The following PCDH9 variants were observed in gnomAD, a reference collection of about 807,000 sequenced individuals.
PCDH9 encodes the protein protocadherin-9.
PCDH9 carries 24 observed loss-of-function variants against 70.6 expected under a neutral mutation model. The ratio of observed to expected loss-of-function variants is 0.34; its 90% CI spans 0.25 to 0.48. PCDH9 has a LOEUF of 0.48. Among genes scored for constraint, PCDH9 ranks in the 20% least tolerant of loss-of-function variants. The pLI, the probability that PCDH9 is intolerant of heterozygous loss-of-function variation, is 0.99. For synonymous variants in PCDH9, 562 were observed against 558.5 expected (o/e 1.01, Z -0.09); for missense variants, 1,281 against 1,503.6 (o/e 0.85, Z 2.45).
intron 2 of PCDH9, among the ~76,000 whole-genome samples, chr13:67,137,125 TA>T (rs1245699495): frequency 5.9e-5 from 9 of 151,568 alleles, no homozygotes; most frequent in African/African-American, 1.2e-4. Context: ...AGTATAATAA[TA>T]AAAAAAAAGA....
intron 4 of PCDH9, among the ~76,000 whole-genome samples, chr13:66,611,365 G>T (rs990536707): frequency 6.6e-6 from 1 of 152,092 alleles, no homozygotes; most frequent in East Asian, 1.9e-4. Context: ...GTTTGTAAAG[G>T]TCTAAAATTC....
intron 3 of PCDH9, among the ~76,000 whole-genome samples, chr13:66,829,468 A>G (rs79731603): frequency 0.015 from 2,332 of 152,182 alleles, 73 homozygotes; most frequent in African/African-American, 0.053. Flanking sequence ...GGTTGACTAC[A>G]ATGGAACTGG....
intron 4 of PCDH9, among the ~76,000 whole-genome samples, chr13:66,521,356 T>C (rs576469450): frequency 4.6e-5 from 7 of 152,252 alleles, no homozygotes; most frequent in African/African-American, 1.4e-4. Context: ...TGGGCCATGA[T>C]GAGGTCGGTA....
At chr13:66,740,220 C>A (rs2139198486) in intron 3 of PCDH9, among the ~76,000 whole-genome samples, 1 of 140,724 alleles carries the variant, frequency 7.1e-6, no homozygotes, top group East Asian at 2.1e-4. Context: ...GGAAACTGAA[C>A]AACCTGCTCC....
rs2080122035 is a variant in PCDH9 at position 66,788,902 on chromosome 13, G to C, written c.3138+114602C>G. ...AAGACTTCCAGTCTGACTAGCACAT[G>C]TAGAATTGTCCTGGTTTTCTAAAAA... On this transcript the variant is annotated intron_variant, in intron 3 of 4. Coordinates refer to ENST00000377865, the MANE Select transcript of PCDH9 (RefSeq NM_203487.3). Among the ~76,000 whole-genome samples the C allele has an allele frequency of 2.0e-5, 3 of 151,994 alleles. No homozygotes were observed. In the South Asian group the frequency reaches 6.2e-4, roughly 32 times the overall value.
intron 4 of PCDH9, among the ~76,000 whole-genome samples, chr13:66,516,242 T>C (rs902360622): frequency 1.3e-5 from 2 of 152,008 alleles, no homozygotes; most frequent in African/African-American, 4.8e-5. Flanking sequence ...TAGATACAAC[T>C]GGCAAACTTA....
intron 3 of PCDH9, among the ~76,000 whole-genome samples, chr13:66,715,437 C>A (rs1315873585): frequency 6.6e-6 from 1 of 151,924 alleles, no homozygotes; most frequent in East Asian, 1.9e-4. Flanking sequence ...GAAGATCATG[C>A]AATAATGAGA....
In PCDH9 at chr13:66,727,363, T is replaced by C. The variant is rs2079019039; in HGVS notation, c.3139-95952A>G. Among the ~76,000 whole-genome samples the C allele has an allele frequency of 1.3e-5, 2 of 152,196 alleles. 1 individual carries two copies. Among genetic ancestry groups the C allele is most frequent in the South Asian group, 4.1e-4 (2 of 4,834 alleles). ...CTTCTAAATATAAGAGGAGAGTTCA[T>C]GTTTTTAATTTGCTATCTGCTTAAT... On this transcript the variant is annotated intron_variant, in intron 3 of 4. Transcript: ENST00000377865.
At chr13:67,129,594 C>G (rs2087059938) in intron 2 of PCDH9, among the ~76,000 whole-genome samples, 1 of 151,370 alleles carries the variant, frequency 6.6e-6, no homozygotes, top group African/African-American at 2.4e-5. Context: ...AGGGCACAAT[C>G]ATATACTCTT....
intron 3 of PCDH9, among the ~76,000 whole-genome samples, chr13:66,805,915 T>G (rs754037181): frequency 6.6e-6 from 1 of 152,090 alleles, no homozygotes; most frequent in Non-Finnish European, 1.5e-5. Flanking sequence ...CCCAAAACCC[T>G]CTGTGCTTTT....
At chr13:66,823,233 T>C (rs1487046603) in intron 3 of PCDH9, among the ~76,000 whole-genome samples, 1 of 152,012 alleles carries the variant, frequency 6.6e-6, no homozygotes, top group Non-Finnish European at 1.5e-5. Context: ...TTTATAAATA[T>C]ATGCATTTAT....
intron 2 of PCDH9, among the ~76,000 whole-genome samples, chr13:67,039,260 G>A (rs2085066000): frequency 6.6e-6 from 1 of 152,106 alleles, no homozygotes; most frequent in South Asian, 2.1e-4. Flanking sequence ...ACCTGAGCAT[G>A]CCCAGGTGAA....
chr13:66,930,730 G>T (rs746984765), intron 2 of PCDH9, among the ~76,000 whole-genome samples: 10 of 151,512 alleles, frequency 6.6e-5, no homozygotes, highest in Non-Finnish European at 1.5e-4. Flanking sequence ...CTTACATCTA[G>T]AAAAAAAACA....
intron 4 of PCDH9, among the ~76,000 whole-genome samples, chr13:66,483,894 G>C (rs1307112763): frequency 6.6e-6 from 1 of 152,130 alleles, no homozygotes; most frequent in Non-Finnish European, 1.5e-5. Context: ...TGGACATCGA[G>C]AGAAGCAGAT....
In PCDH9 at chr13:66,987,558, G is replaced by A. The variant is rs117886109; in HGVS notation, c.3037-83953C>T. Among the ~76,000 whole-genome samples, 1,042 of 152,110 alleles carry A rather than the reference G, an allele frequency of 6.9e-3. 6 individuals are homozygous for A. The highest frequency in any genetic ancestry group is 9.8e-3 in the Non-Finnish European group (664 of 67,920). ...TATTATATTAATAAATTTATAAAAT[G>A]AAATGAAGAGCTAGCTGATACGCAC... On this transcript the variant is annotated intron_variant, in intron 2 of 4. Transcript: ENST00000377865.
intron 4 of PCDH9, among the ~76,000 whole-genome samples, chr13:66,528,886 G>GT (rs1960322694): frequency 6.6e-6 from 1 of 151,948 alleles, no homozygotes; most frequent in Non-Finnish European, 1.5e-5. Flanking sequence ...GAATGAATGT[G>GT]TTTTTTAAAA....
chr13:67,119,613 G>A (rs1245588251), intron 2 of PCDH9, among the ~76,000 whole-genome samples: 1 of 152,080 alleles, frequency 6.6e-6, no homozygotes, highest in Admixed American at 6.6e-5. Flanking sequence ...GACTTACACA[G>A]GAAAATGACA....
intron 4 of PCDH9, among the ~76,000 whole-genome samples, chr13:66,440,913 A>T (rs1338327221): frequency 6.6e-6 from 1 of 152,140 alleles, no homozygotes; most frequent in Admixed American, 6.6e-5. Flanking sequence ...CTTCACGGAA[A>T]CACACAGATT....
In PCDH9 at chr13:67,213,239, GAA is replaced by G. The variant is rs67729730; in HGVS notation, c.3036+12164_3036+12165del. ...AAAAAAAAAAAAAAAAAAAAAAAAA[GAA>G]AAAAAAAAGCTAATAGAGGAAACGA... On this transcript the variant is annotated intron_variant, in intron 2 of 4. Transcript: ENST00000377865. 5.5e-5 allele frequency: 4 copies of G among 73,394 alleles called. 1 individual carries two copies. The highest frequency in any genetic ancestry group is 1.1e-3 in the South Asian group (2 of 1,802). 4.5% of individuals were successfully genotyped at this position (73,394 alleles called of 1,614,324 possible).
Sources: gnomAD v4.1 joint callset for allele counts (sites outside exome capture counted in the v4.1 genomes callset) on GRCh38, gnomAD v4.1.1 for gene constraint, MANE v1.5 for transcripts, NCBI Gene and HGNC (gene_info 2026-07-23, HGNC 2026-07-21) for gene names.